The following GLG1 variants were observed in gnomAD, a reference collection of about 807,000 sequenced individuals.
GLG1 encodes golgi glycoprotein 1.
In GLG1, 38 loss-of-function variants were observed where a neutral mutation model predicts 160.5. The ratio of observed to expected loss-of-function variants is 0.24; its 90% CI spans 0.18 to 0.31. GLG1 has a LOEUF of 0.31. Ranked by LOEUF, GLG1 falls within the 10% of genes least tolerant of loss-of-function variation. The probability of loss-of-function intolerance (pLI) is 1.00; values close to 1 mark genes in which losing one functional copy is unlikely to be tolerated. For missense variants in GLG1, 1,373 were observed against 1,505.2 expected (o/e 0.91, Z 1.45); for synonymous variants, 644 against 543.4 (o/e 1.19, Z -2.57).
intron 8 of GLG1, among the ~76,000 whole-genome samples, chr16:74,489,448 G>A (rs1181380060): frequency 6.6e-6 from 1 of 151,472 alleles, no homozygotes; most frequent in East Asian, 1.9e-4. Context: ...TCCAGCCTGG[G>A]CAACAAGAGT....
chr16:74,505,904 T>C (rs917324714), intron 3 of GLG1, among the ~76,000 whole-genome samples: 3 of 149,496 alleles, frequency 2.0e-5, no homozygotes, highest in Admixed American at 6.6e-5. Flanking sequence ...GTGCCACGCA[T>C]CTGTAGTCCC....
At chr16:74,544,539 CTCTGT>C in intron 1 of GLG1, among the ~76,000 whole-genome samples, 1 of 151,890 alleles carries the variant, frequency 6.6e-6, no homozygotes, top group South Asian at 2.1e-4. Context: ...TGGAGTCTCA[CTCTGT>C]TGCCCAGGCT....
intron 23 of GLG1, 58 bp from the exon 24 acceptor site, chr16:74,458,052 T>C: frequency 1.4e-5 from 22 of 1,567,842 alleles, no homozygotes; most frequent in South Asian, 4.5e-5. Context: ...ATCAGATCTG[T>C]TGTCTGTAAA....
At chr16:74,574,892 A>AAAAAAG (rs2018945471) in intron 1 of GLG1, among the ~76,000 whole-genome samples, 1 of 87,488 alleles carries the variant, frequency 1.1e-5, no homozygotes, top group African/African-American at 3.9e-5. Context: ...TCAAAAAAAA[A>AAAAAAG]AAAAAAAAAA....
At chr16:74,453,851 T>C (rs1346937725) in intron 25 of GLG1, among the ~76,000 whole-genome samples, 2 of 151,784 alleles carry the variant, frequency 1.3e-5, no homozygotes. Flanking sequence ...GACATCGTTT[T>C]ACATATTCTA....
chr16:74,497,547 C>A (rs1374582627), intron 4 of GLG1, among the ~76,000 whole-genome samples: 1 of 149,864 alleles, frequency 6.7e-6, no homozygotes, highest in Non-Finnish European at 1.5e-5. Context: ...ACTCTATTCT[C>A]CTGCCTCAGT....
At chr16:74,596,330 A>T (rs1228019764) in intron 1 of GLG1, among the ~76,000 whole-genome samples, 1 of 152,116 alleles carries the variant, frequency 6.6e-6, no homozygotes, top group Non-Finnish European at 1.5e-5. Context: ...GCAGTTCGAG[A>T]CAAGCCTGGC....
chr16:74,542,443 G>A (rs1307643137), intron 1 of GLG1, among the ~76,000 whole-genome samples: 1 of 151,878 alleles, frequency 6.6e-6, no homozygotes, highest in East Asian at 1.9e-4. Flanking sequence ...TGAGGCGGGC[G>A]GATCACCTGA....
At chr16:74,536,632 C>A (rs1411503265) in intron 1 of GLG1, among the ~76,000 whole-genome samples, 1 of 152,092 alleles carries the variant, frequency 6.6e-6, no homozygotes, top group Non-Finnish European at 1.5e-5. Flanking sequence ...GTTACATGAT[C>A]CCTTGGGGGT....
In GLG1 at chr16:74,525,881, C is replaced by T. The variant is rs188793763; in HGVS notation, c.471+6240G>A. Among the ~76,000 whole-genome samples, 20 of 152,092 alleles carry T rather than the reference C, an allele frequency of 1.3e-4. No individual in the cohort carries two copies. In the East Asian group the frequency reaches 2.7e-3, roughly 21 times the overall value. ...ATGAAGTTCAAGTTATCTGGTCAGG[C>T]GCAGTGGCTCATGCCTGTAATCCCA... On this transcript the variant is annotated intron_variant, in intron 2 of 25. Coordinates refer to ENST00000422840, the MANE Select transcript of GLG1 (RefSeq NM_001145667.2).
rs1408606146 is a variant in GLG1, at chr16:74,551,468, C to CTT, written c.439-19316_439-19315insAA. Reference sequence around the variant, plus strand: ...CACAGGCGCACACCACCATGTCTGGCTATTTTTTTTTTTTTTTTTTTAATT... The same window carrying CTT: ...CACAGGCGCACACCACCATGTCTGGCTTTATTTTTTTTTTTTTTTTTTTAATT... On this transcript the variant is annotated intron_variant, in intron 1 of 25. Coordinates refer to ENST00000422840, the MANE Select transcript of GLG1 (RefSeq NM_001145667.2). 5.3e-4 allele frequency among the ~76,000 whole-genome samples: 20 copies of CTT among 37,784 alleles called. No individual in the cohort carries two copies. The East Asian group carries it at 5.5e-3, about 10-fold the overall frequency. 24.8% of individuals were successfully genotyped at this position (37,784 alleles called of 152,430 possible).
In GLG1 at chr16:74,606,797, G is replaced by A. The variant is rs750527723; in HGVS notation, c.298C>T (p.Arg100Trp). 3.8e-6 allele frequency: 6 copies of A among 1,598,474 alleles called. No homozygotes were observed. In the South Asian group the frequency reaches 6.7e-5, roughly 18 times the overall value. ...PPFPAGGPPA[R>W]RGGAGAGGGW... is the part of the protein sequence containing the mutation. ...CCACCAGCCCCCGCTCCTCCCCGCC[G>A]GGCCGGAGGCCCACCCGCCGGGAAA... is the stretch of plus-strand genomic sequence containing the variant. Residue 100 changes from arginine (R) to tryptophan (W), a missense_variant, in exon 1 of 26, where the codon CGG becomes TGG. This residue lies in a region of GLG1 where 322 missense variants were observed against 254.6 expected (regional missense o/e 1.26). Transcript: ENST00000422840.
At chr16:74,459,405 G>C (rs1026768151) in intron 23 of GLG1, among the ~76,000 whole-genome samples, 2 of 152,202 alleles carry the variant, frequency 1.3e-5, no homozygotes, top group Non-Finnish European at 2.9e-5. Flanking sequence ...GTGAACCCGG[G>C]AGGCAGAGGT....
Position 74,477,473 on chromosome 16 carries a change from T to C in GLG1, c.1888A>G (p.Lys630Glu). 1.2e-6 allele frequency: 2 copies of C among 1,612,234 alleles called. No individual in the cohort carries two copies. The highest frequency in any genetic ancestry group is 1.7e-6 in the Non-Finnish European group (2 of 1,178,264). Residue 630 changes from lysine (K) to glutamate (E), a missense_variant, in exon 12 of 26, where the codon AAG becomes GAG. Lys to Glu is a moderately conservative substitution (Grantham distance 56). This residue lies in a region of GLG1 where 386 missense variants were observed against 388.5 expected (regional missense o/e 0.99). Coordinates refer to ENST00000422840, the MANE Select transcript of GLG1 (RefSeq NM_001145667.2). ...TTATCCTGGAGGGCAGGATCCAGCT[T>C]GACATCCATGGCACGCTGGTGTAGG... is the stretch of plus-strand genomic sequence containing the variant. ...RILHQRAMDV[K>E]LDPALQDKCL... is the part of the protein sequence containing the mutation.
intron 1 of GLG1, among the ~76,000 whole-genome samples, chr16:74,579,447 C>T (rs181710664): frequency 6.6e-6 from 1 of 152,092 alleles, no homozygotes; most frequent in East Asian, 1.9e-4. Flanking sequence ...CTTGGCCAGG[C>T]GCAGTGGCTC....
rs1413372079 is a variant in GLG1 at position 74,452,123 on chromosome 16, T to C, written c.*1044A>G. 1.3e-5 allele frequency: 21 copies of C among 1,613,908 alleles called. No individual in the cohort carries two copies. The highest frequency in any genetic ancestry group is 1.7e-5 in the Non-Finnish European group (20 of 1,179,924). On this transcript the variant is annotated 3_prime_UTR_variant, in exon 26 of 26. Coordinates refer to ENST00000422840, the MANE Select transcript of GLG1 (RefSeq NM_001145667.2). ...TTTATAAGCCATTGTCTCTGACCTG[T>C]ATTGTAGCCTGAAAAATAAAGCAAA...
chr16:74,564,055 G>A (rs949313900), intron 1 of GLG1, among the ~76,000 whole-genome samples: 9 of 152,170 alleles, frequency 5.9e-5, no homozygotes, highest in African/African-American at 1.7e-4. Flanking sequence ...CTGAGTAGTG[G>A]AACTACCAGC....
chr16:74,467,458 G>C (rs1452932562), intron 18 of GLG1, among the ~76,000 whole-genome samples: 1 of 152,192 alleles, frequency 6.6e-6, no homozygotes, highest in Non-Finnish European at 1.5e-5. Context: ...GAATGCTACA[G>C]AGGAGGAGGC....
intron 1 of GLG1, among the ~76,000 whole-genome samples, chr16:74,548,529 C>A (rs1304093384): frequency 6.6e-6 from 1 of 152,184 alleles, no homozygotes; most frequent in African/African-American, 2.4e-5. Flanking sequence ...ATCTGGTTGA[C>A]AGAAATCTGA....
Sources: allele counts gnomAD v4.1 joint callset (sites outside exome capture counted in the v4.1 genomes callset), GRCh38; gene constraint gnomAD v4.1.1; regional missense constraint gnomAD v4.1.1; transcripts MANE v1.5; gene names NCBI Gene and HGNC (gene_info 2026-07-23, HGNC 2026-07-21).